The following CSMD1 variants were observed in gnomAD, a reference collection of about 807,000 sequenced individuals.
CSMD1 encodes the protein CUB and Sushi multiple domains 1.
Under a neutral mutation model 417.5 loss-of-function variants are expected in CSMD1, and 213 were observed. That is an observed-to-expected ratio of 0.51 (90% CI 0.46 to 0.57). The LOEUF is 0.57. Among genes scored for constraint, CSMD1 ranks in the 20% least tolerant of loss-of-function variants. The pLI, the probability that CSMD1 is intolerant of heterozygous loss-of-function variation, is 0.00. For missense variants in CSMD1, 6,923 were observed against 4,529.7 expected, an observed-to-expected ratio of 1.53 and a Z score of -15.17; for synonymous variants, 2,862 against 1,736.8, an observed-to-expected ratio of 1.65 and a Z score of -16.11.
chr8:3,191,017 A>G (rs1377986508), intron 33 of CSMD1, among the ~76,000 whole-genome samples: 4 of 152,212 alleles, frequency 2.6e-5, no homozygotes, highest in Admixed American at 6.5e-5. Context: ...TTTCACTTAC[A>G]TAAAATGAGT....
intron 6 of CSMD1, among the ~76,000 whole-genome samples, chr8:3,733,723 G>A (rs1019902276): frequency 6.6e-6 from 1 of 152,094 alleles, no homozygotes; most frequent in Admixed American, 6.5e-5. Flanking sequence ...GGACGCCCAT[G>A]GGGTTGTGGT....
chr8:3,756,992 G>A (rs1300691422), intron 5 of CSMD1, among the ~76,000 whole-genome samples: 3 of 151,994 alleles, frequency 2.0e-5, no homozygotes, highest in Non-Finnish European at 4.4e-5. Flanking sequence ...GTAGAGACTG[G>A]GGGTCTCACT....
intron 3 of CSMD1, among the ~76,000 whole-genome samples, chr8:4,214,797 CTT>C (rs1342994632): frequency 6.6e-6 from 1 of 152,066 alleles, no homozygotes; most frequent in Non-Finnish European, 1.5e-5. Context: ...TGTAGTATAA[CTT>C]TAAGAGAAGC....
chr8:3,104,271 T>C (rs780749833), intron 46 of CSMD1, among the ~76,000 whole-genome samples: 12 of 152,150 alleles, frequency 7.9e-5, no homozygotes, highest in Non-Finnish European at 1.5e-4. Flanking sequence ...AAAGAATCCA[T>C]AAATAGACCA....
intron 49 of CSMD1, among the ~76,000 whole-genome samples, chr8:3,065,358 G>C (rs967662759): frequency 6.6e-6 from 1 of 151,970 alleles, no homozygotes; most frequent in Non-Finnish European, 1.5e-5. Context: ...ACATAGATAA[G>C]TGGATAGATA....
intron 6 of CSMD1, among the ~76,000 whole-genome samples, chr8:3,748,818 T>G (rs541320196): frequency 2.6e-5 from 4 of 152,238 alleles, no homozygotes; most frequent in African/African-American, 9.6e-5. Context: ...TCAATAGTTA[T>G]AGGGAACTAT....
At chr8:4,124,701 C>A (rs1447636245) in intron 3 of CSMD1, among the ~76,000 whole-genome samples, 1 of 152,162 alleles carries the variant, frequency 6.6e-6, no homozygotes, top group Non-Finnish European at 1.5e-5. Context: ...ATAGGGACTT[C>A]CCTAAGGGGG....
chr8:4,215,941 T>C (rs901131859), intron 3 of CSMD1, among the ~76,000 whole-genome samples: 4 of 152,192 alleles, frequency 2.6e-5, no homozygotes, highest in African/African-American at 9.7e-5. Context: ...GGACTGAACA[T>C]GCCAGTTTCT....
Position 3,186,037 on chromosome 8 carries a change from T to TA in CSMD1, c.5620+1831dup, listed in dbSNP as rs34730717. 3.7e-3 allele frequency among the ~76,000 whole-genome samples: 525 copies of TA among 143,160 alleles called. 1 individual carries two copies. Among genetic ancestry groups the TA allele is most frequent in the Middle Eastern group, 0.011 (3 of 284 alleles). 93.9% of individuals were successfully genotyped at this position (143,160 alleles called of 152,430 possible). ...GGTAGCTTTTTTTTCTCTTACATCT[T>TA]AAAAAAAAAAAAAGTGTGACTTTTT... On this transcript the variant is annotated intron_variant, in intron 36 of 69. Transcript: ENST00000635120.
At chr8:3,240,568 C>T (rs187930573) in intron 26 of CSMD1, among the ~76,000 whole-genome samples, 32 of 151,788 alleles carry the variant, frequency 2.1e-4, no homozygotes, top group African/African-American at 7.7e-4. Context: ...ATAATGGGGG[C>T]TGTCTGTGAA....
chr8:3,710,340 G>A (rs1185225519), intron 6 of CSMD1, among the ~76,000 whole-genome samples: 3 of 152,066 alleles, frequency 2.0e-5, no homozygotes, highest in Non-Finnish European at 2.9e-5. Flanking sequence ...ACGACCAACT[G>A]GCTTTGTTTC....
Position 3,162,155 on chromosome 8 carries a change from A to C in CSMD1, c.5844+4T>G. On this transcript the variant is annotated splice_donor_region_variant and intron_variant, in intron 38 of 69. Transcript: ENST00000635120. Reference sequence around the variant, plus strand: ...TTATTCCTGAGCACTGAGAAGAAGGATACCTGCAGGGTGTACCCGGGCTCG... The same window carrying C: ...TTATTCCTGAGCACTGAGAAGAAGGCTACCTGCAGGGTGTACCCGGGCTCG... 6.3e-7 allele frequency: 1 copy of C among 1,576,782 alleles called. No homozygotes were observed. The highest frequency in any genetic ancestry group is 1.1e-5 in the South Asian group (1 of 87,448).
chr8:4,001,663 T>A (rs914698726), intron 4 of CSMD1, among the ~76,000 whole-genome samples: 1 of 152,120 alleles, frequency 6.6e-6, no homozygotes, highest in Non-Finnish European at 1.5e-5. Flanking sequence ...ACTTACTATC[T>A]ACATTTTCCT....
intron 5 of CSMD1, among the ~76,000 whole-genome samples, chr8:3,978,971 C>A (rs1478565730): frequency 6.6e-6 from 1 of 152,158 alleles, no homozygotes; most frequent in African/African-American, 2.4e-5. Flanking sequence ...ACACTGCCTC[C>A]TAGAAGCTTG....
intron 1 of CSMD1, among the ~76,000 whole-genome samples, chr8:4,953,808 T>C (rs1255150546): frequency 2.6e-5 from 4 of 152,192 alleles, no homozygotes; most frequent in Non-Finnish European, 5.9e-5. Flanking sequence ...ATGTGGTTTG[T>C]GAACTATCTG....
chr8:4,234,587 TTGAG>T (rs1328155936), intron 3 of CSMD1, among the ~76,000 whole-genome samples: 3 of 152,200 alleles, frequency 2.0e-5, no homozygotes, highest in African/African-American at 4.8e-5. Flanking sequence ...GCTTTTTTAA[TTGAG>T]TGTTTGTATT....
chr8:4,000,259 C>T (rs1016325417), intron 4 of CSMD1, among the ~76,000 whole-genome samples: 3 of 152,004 alleles, frequency 2.0e-5, no homozygotes, highest in Non-Finnish European at 2.9e-5. Flanking sequence ...CACCACTGTG[C>T]AAGCACACAC....
intron 2 of CSMD1, among the ~76,000 whole-genome samples, chr8:4,430,888 C>A (rs940663447): frequency 1.3e-5 from 2 of 152,156 alleles, no homozygotes; most frequent in Non-Finnish European, 2.9e-5. Context: ...TCAGCACCAG[C>A]TTCTCCTGAA....
At chr8:3,598,022 T>C (rs1177758369) in intron 8 of CSMD1, among the ~76,000 whole-genome samples, 1 of 152,216 alleles carries the variant, frequency 6.6e-6, no homozygotes, top group Non-Finnish European at 1.5e-5. Context: ...CTCTTTATCA[T>C]TTGCCCTACT....
Sources: allele counts gnomAD v4.1 joint callset (sites outside exome capture counted in the v4.1 genomes callset), GRCh38; gene constraint gnomAD v4.1.1; transcripts MANE v1.5; gene names NCBI Gene and HGNC (gene_info 2026-07-23, HGNC 2026-07-21).